The following DEAF1 variants were observed in gnomAD, a reference collection of about 807,000 sequenced individuals.
DEAF1 encodes DEAF1 transcription factor, also known as deformed epidermal autoregulatory factor 1 homolog.
DEAF1 carries 53 observed loss-of-function variants against 58.9 expected under a neutral mutation model. The observed-to-expected ratio is 0.90, with a 90% CI of 0.72 to 1.13. The LOEUF (loss-of-function observed/expected upper bound fraction) is 1.13, where lower values mean the gene tolerates loss of function less well. DEAF1 is among the 50% of genes most tolerant of loss of function. The pLI is 0.00. For synonymous variants in DEAF1, 385 were observed against 340.4 expected (o/e 1.13, Z -1.44); for missense variants, 685 against 791.4 (o/e 0.87, Z 1.61).
chr11:655,525 C>T (rs1034147755), intron 10 of DEAF1, among the ~76,000 whole-genome samples: 14 of 122,856 alleles, frequency 1.1e-4, no homozygotes, highest in East Asian at 1.1e-3. Flanking sequence ...GCCCGCTATG[C>T]GCCCAGATCA....
chr11:705,188 C>G (rs1196395150), intron 1 of DEAF1: 1 of 165,502 alleles, frequency 6.0e-6, no homozygotes, highest in African/African-American at 2.4e-5. Context: ...GGGACCATAG[C>G]CCGGGGACCC....
At position 685,054 on chromosome 11, in the gene DEAF1, TTACC is replaced by T. The variant is rs1417310304; in HGVS notation, c.805-95_805-92del. On this transcript the variant is annotated intron_variant, in intron 5 of 11. Coordinates refer to ENST00000382409, the MANE Select transcript of DEAF1 (RefSeq NM_021008.4). ...AGAAGATTTCAACCACTTTTACCAC[TTACC>T]TACCATTCATAAATATAAAAATTCT... is the stretch of plus-strand genomic sequence containing the variant. The T allele has an allele frequency of 2.4e-4, 209 of 885,708 alleles. 3 individuals are homozygous for T. The Middle Eastern group carries it at 0.012, about 51-fold the overall frequency. 54.9% of individuals were successfully genotyped at this position (885,708 alleles called of 1,614,324 possible).
At chr11:655,839 TA>T (rs1331539692) in intron 10 of DEAF1, among the ~76,000 whole-genome samples, 44 of 152,046 alleles carry the variant, frequency 2.9e-4, no homozygotes, top group South Asian at 1.9e-3. Flanking sequence ...TTATTATTAT[TA>T]TTATTTTTTT....
chr11:685,055 T>G, intron 5 of DEAF1, 92 bp from the exon 6 acceptor site: 1 of 844,164 alleles, frequency 1.2e-6, no homozygotes, highest in Non-Finnish European at 1.9e-6. Context: ...TTTTACCACT[T>G]ACCTACCATT....
Position 694,995 on chromosome 11 carries a change from G to A in DEAF1, c.53C>T (p.Ala18Val), listed in dbSNP as rs1861056688. The change falls in exon 1 of 12, where the codon GCG becomes GTG. Residue 18 changes from alanine to valine, a missense_variant. Coordinates refer to ENST00000382409, the MANE Select transcript of DEAF1 (RefSeq NM_021008.4). Reference protein sequence around the residue: ...AKQLGLAEAAAVAAAAAVAAA... With the variant: ...AKQLGLAEAAVVAAAAAVAAA... ...CGCCACAGCGGCCGCGGCCGCCACC[G>A]CCGCCGCCTCAGCCAGGCCCAGCTG... is the stretch of plus-strand genomic sequence containing the variant. 3 of 1,132,356 alleles carry A rather than the reference G, an allele frequency of 2.6e-6. No individual in the cohort carries two copies. The Admixed American group carries it at 1.4e-4, about 54-fold the overall frequency. 70.1% of individuals were successfully genotyped at this position (1,132,356 alleles called of 1,614,324 possible).
rs534066803 is a variant in DEAF1, at chr11:671,064, G to A, written c.1503+3472C>T. Among the ~76,000 whole-genome samples the A allele has an allele frequency of 1.1e-3, 168 of 151,374 alleles. 1 individual carries two copies. The highest frequency in any genetic ancestry group is 3.9e-3 in the African/African-American group (159 of 41,256). On this transcript the variant is annotated intron_variant, in intron 10 of 11. Transcript: ENST00000382409. The stretch of plus-strand genomic sequence containing the variant: ...CTGCCTCAGCCTCCCAAGGAGCTGG[G>A]ACTACAGGCGCCCGCCACCACGCCC...
At chr11:673,825 C>CT (rs1209699368) in intron 10 of DEAF1, among the ~76,000 whole-genome samples, 3 of 152,166 alleles carry the variant, frequency 2.0e-5, no homozygotes, top group Non-Finnish European at 1.5e-5. Context: ...AACCTCCACC[C>CT]TCTCTCCAGT....
chr11:704,386 G>C (rs2133482189), intron 1 of DEAF1: 3 of 1,170,322 alleles, frequency 2.6e-6, no homozygotes, highest in Middle Eastern at 6.3e-4. Context: ...CGTGGAAGCG[G>C]TGGGAGCACC....
chr11:700,244 G>A (rs1861383048), intron 1 of DEAF1: 1 of 1,611,756 alleles, frequency 6.2e-7, no homozygotes, highest in African/African-American at 1.3e-5. Flanking sequence ...AAGTAAGTCA[G>A]GGACGGGCAC....
chr11:660,464 C>T (rs1428138815), intron 10 of DEAF1, among the ~76,000 whole-genome samples: 1 of 152,248 alleles, frequency 6.6e-6, no homozygotes, highest in Non-Finnish European at 1.5e-5. Flanking sequence ...CCGCCGGCGC[C>T]GCCTCACCCC....
intron 1 of DEAF1, chr11:700,942 G>A (rs1343729830): frequency 3.5e-6 from 2 of 576,042 alleles, no homozygotes; most frequent in Non-Finnish European, 3.1e-6. Flanking sequence ...GTGTTTGGAA[G>A]CATGTCTTGT....
chr11:670,554 AAAT>A (rs1859766934), intron 10 of DEAF1, among the ~76,000 whole-genome samples: 1 of 151,480 alleles, frequency 6.6e-6, no homozygotes. Context: ...TTCTCTCCTA[AAAT>A]ACCAAAAAAT....
intron 1 of DEAF1, 70 bp from the exon 2 acceptor site, chr11:691,668 G>T: frequency 7.0e-7 from 1 of 1,424,302 alleles, no homozygotes; most frequent in Non-Finnish European, 9.7e-7. Flanking sequence ...GCCTCGCTCA[G>T]GTGCTTCAAA....
At chr11:703,245 C>T in intron 1 of DEAF1, 1 of 1,460,902 alleles carries the variant, frequency 6.8e-7, no homozygotes, top group Non-Finnish European at 9.1e-7. Context: ...AGGAAGGGCA[C>T]TTTTCCTAGT....
intron 6 of DEAF1, among the ~76,000 whole-genome samples, chr11:682,202 T>C (rs1860407569): frequency 6.6e-6 from 1 of 152,208 alleles, no homozygotes; most frequent in African/African-American, 2.4e-5. Context: ...GCTGTTGGTG[T>C]AGTCAAGTGT....
At chr11:654,972 C>T (rs1029006078) in intron 10 of DEAF1, among the ~76,000 whole-genome samples, 1 of 151,510 alleles carries the variant, frequency 6.6e-6, no homozygotes, top group Non-Finnish European at 1.5e-5. Context: ...AGATCGAGAC[C>T]ATCCTGGCTA....
intron 2 of DEAF1, among the ~76,000 whole-genome samples, chr11:689,053 T>G (rs1860716203): frequency 6.6e-6 from 1 of 152,204 alleles, no homozygotes; most frequent in Non-Finnish European, 1.5e-5. Context: ...AACTCTGGCC[T>G]GCAGGCTCTG....
intron 10 of DEAF1, among the ~76,000 whole-genome samples, chr11:655,929 T>C (rs1859032846): frequency 6.6e-6 from 1 of 151,268 alleles, no homozygotes; most frequent in Admixed American, 6.6e-5. Flanking sequence ...ACCTCCTGGG[T>C]TTAAGTGATT....
At chr11:659,738 C>G (rs896955403) in intron 10 of DEAF1, among the ~76,000 whole-genome samples, 1 of 152,202 alleles carries the variant, frequency 6.6e-6, no homozygotes, top group African/African-American at 2.4e-5. Context: ...AGGCTCCTTT[C>G]CCGGCACTGC....
Sources: gnomAD v4.1 joint callset for allele counts (sites outside exome capture counted in the v4.1 genomes callset) on GRCh38, gnomAD v4.1.1 for gene constraint, MANE v1.5 for transcripts, NCBI Gene and HGNC (gene_info 2026-07-23, HGNC 2026-07-21) for gene names.